Variants in EYA4 observed in about 807,000 individuals in gnomAD.
The protein encoded by EYA4 is EYA transcriptional coactivator and phosphatase 4, also known as protein phosphatase EYA4.
Under a neutral mutation model 87.9 loss-of-function variants are expected in EYA4, and 31 were observed. The ratio of observed to expected loss-of-function variants is 0.35; its 90% CI spans 0.27 to 0.48. The LOEUF is 0.48. Among genes scored for constraint, EYA4 ranks in the 20% least tolerant of loss-of-function variants. The probability of loss-of-function intolerance (pLI) is 0.99; values close to 1 mark genes in which losing one functional copy is unlikely to be tolerated. For synonymous variants in EYA4, 263 were observed against 270.6 expected (o/e 0.97, Z 0.28); for missense variants, 678 against 761.4 (o/e 0.89, Z 1.29).
intron 18 of EYA4, among the ~76,000 whole-genome samples, chr6:133,523,583 A>C (rs1800373283): frequency 6.6e-6 from 1 of 152,168 alleles, no homozygotes; most frequent in Admixed American, 6.6e-5. Context: ...GAGTGCCCTT[A>C]ATTACAGAAA....
chr6:133,483,804 A>T (rs1273324127), intron 13 of EYA4, among the ~76,000 whole-genome samples: 1 of 151,352 alleles, frequency 6.6e-6, no homozygotes, highest in African/African-American at 2.4e-5. Context: ...GCTCACTGCA[A>T]CCTCTGCTTC....
chr6:133,491,950 T>TAAAAA (rs1797200107), intron 13 of EYA4, among the ~76,000 whole-genome samples: 1 of 29,368 alleles, frequency 3.4e-5, no homozygotes, highest in African/African-American at 1.7e-4. Flanking sequence ...AAACTCCGTC[T>TAAAAA]CAAAAAAAAA....
intron 10 of EYA4, 120 bp downstream of exon 10, chr6:133,464,978 G>T: frequency 2.9e-6 from 2 of 681,696 alleles, no homozygotes; most frequent in East Asian, 2.7e-5. Flanking sequence ...TAAAAATTAT[G>T]ATAGCATTTC....
At chr6:133,435,904 A>G (rs554384911) in intron 3 of EYA4, among the ~76,000 whole-genome samples, 75 of 151,944 alleles carry the variant, frequency 4.9e-4, no homozygotes, top group African/African-American at 1.6e-3. Context: ...CATTTGGGAG[A>G]TCTAACACTG....
chr6:133,505,889 G>A (rs993453748), intron 13 of EYA4, among the ~76,000 whole-genome samples: 1 of 152,014 alleles, frequency 6.6e-6, no homozygotes, highest in Non-Finnish European at 1.5e-5. Context: ...CTGAGTCATC[G>A]TTACGTATGT....
intron 2 of EYA4, among the ~76,000 whole-genome samples, chr6:133,372,900 G>A (rs1404929311): frequency 6.6e-6 from 1 of 151,536 alleles, no homozygotes; most frequent in African/African-American, 2.4e-5. Context: ...GATACTATTG[G>A]GCACATTAGG....
At chr6:133,489,932 A>C (rs1797000041) in intron 13 of EYA4, among the ~76,000 whole-genome samples, 1 of 152,004 alleles carries the variant, frequency 6.6e-6, no homozygotes, top group Non-Finnish European at 1.5e-5. Flanking sequence ...AAGATGAACC[A>C]ATTAAAAATA....
At chr6:133,276,840 C>T (rs1334978334) in intron 2 of EYA4, among the ~76,000 whole-genome samples, 2 of 150,880 alleles carry the variant, frequency 1.3e-5, no homozygotes, top group African/African-American at 4.9e-5. Flanking sequence ...AAGCTCTCTC[C>T]ATAACATCGA....
At chr6:133,366,296 A>G (rs769651420) in intron 2 of EYA4, among the ~76,000 whole-genome samples, 1 of 152,230 alleles carries the variant, frequency 6.6e-6, no homozygotes, top group Non-Finnish European at 1.5e-5. Context: ...TAAAGAGTTC[A>G]GCACTGGACA....
chr6:133,531,007 C>A lies in EYA4; in HGVS notation c.*2202C>A. ...AAAACAAATTATCTTTACTGTATAG[C>A]TGGTTTCTTTAAATGTTGATAGAAT... On this transcript the variant is annotated 3_prime_UTR_variant, in exon 20 of 20. Transcript: ENST00000355286. 7.3e-7 allele frequency: 1 copy of A among 1,361,850 alleles called. No individual in the cohort carries two copies. Among genetic ancestry groups the A allele is most frequent in the Non-Finnish European group, 9.4e-7 (1 of 1,059,530 alleles). The allele number at this position is 1,361,850 out of a possible 1,614,324, so 84.4% of individuals were successfully genotyped here.
At chr6:133,393,914 A>G (rs1787529183) in intron 3 of EYA4, among the ~76,000 whole-genome samples, 1 of 152,190 alleles carries the variant, frequency 6.6e-6, no homozygotes. Flanking sequence ...TAGTGTTCTT[A>G]AAGTTTCAGT....
intron 3 of EYA4, among the ~76,000 whole-genome samples, chr6:133,429,349 A>G (rs1221419834): frequency 6.6e-6 from 1 of 152,202 alleles, no homozygotes; most frequent in Non-Finnish European, 1.5e-5. Flanking sequence ...AAGGAGCACT[A>G]CAGAAGCATT....
chr6:133,264,586 A>G (rs1366361689), intron 1 of EYA4, among the ~76,000 whole-genome samples: 1 of 152,214 alleles, frequency 6.6e-6, no homozygotes, highest in Non-Finnish European at 1.5e-5. Context: ...GGACTTGGTA[A>G]TATATTGAAT....
chr6:133,244,859 T>C (rs1323926380), intron 1 of EYA4, among the ~76,000 whole-genome samples: 1 of 152,092 alleles, frequency 6.6e-6, no homozygotes, highest in Admixed American at 6.5e-5. Flanking sequence ...TTTTTTAGGA[T>C]TTTTAGAAAG....
At chr6:133,505,051 C>A (rs994143730) in intron 13 of EYA4, among the ~76,000 whole-genome samples, 1 of 152,182 alleles carries the variant, frequency 6.6e-6, no homozygotes, top group African/African-American at 2.4e-5. Context: ...AAACCTTATT[C>A]TTCTCCCTGC....
At chr6:133,518,881 T>C (rs976814223) in intron 17 of EYA4, among the ~76,000 whole-genome samples, 4 of 151,864 alleles carry the variant, frequency 2.6e-5, no homozygotes, top group African/African-American at 9.7e-5. Flanking sequence ...CTGAACAACC[T>C]GCTCCTGAAT....
intron 17 of EYA4, among the ~76,000 whole-genome samples, chr6:133,521,435 G>C: frequency 7.2e-6 from 1 of 138,754 alleles, no homozygotes; most frequent in South Asian, 2.5e-4. Context: ...ACACCAGTTA[G>C]AATGGCAATC....
rs150720018 is a variant in EYA4 at position 133,439,475 on chromosome 6, T to C, written c.84-7155T>C. The C allele has an allele frequency of 6.6e-4, 101 of 152,302 alleles. 1 individual carries two copies. Among genetic ancestry groups the C allele is most frequent in the African/African-American group, 2.4e-3 (101 of 41,550 alleles). The allele number at this position is 152,302 out of a possible 1,614,324, so 9.4% of individuals were successfully genotyped here. ...TTTGCAGGCAATAAGGATATAGCAG[T>C]GATTCACTGGAATGAAATAATACAA... is the stretch of plus-strand genomic sequence containing the variant. On this transcript the variant is annotated intron_variant, in intron 3 of 19. Transcript: ENST00000355286.
intron 2 of EYA4, among the ~76,000 whole-genome samples, chr6:133,342,633 GAACTT>G (rs1211201668): frequency 2.3e-5 from 3 of 128,310 alleles, no homozygotes; most frequent in Admixed American, 1.5e-4. Flanking sequence ...GGGCTTAACT[GAACTT>G]AGCTTAAGGC....
Sources: allele counts gnomAD v4.1 joint callset (sites outside exome capture counted in the v4.1 genomes callset), GRCh38; gene constraint gnomAD v4.1.1; transcripts MANE v1.5; gene names NCBI Gene and HGNC (gene_info 2026-07-23, HGNC 2026-07-21).